Variants in ATXN10 observed in about 807,000 individuals in gnomAD.
The protein encoded by ATXN10 is ataxin-10.
A neutral mutation model predicts 52.9 loss-of-function variants in ATXN10; 28 were observed. The ratio of observed to expected loss-of-function variants is 0.53; its 90% CI spans 0.39 to 0.73. The LOEUF (loss-of-function observed/expected upper bound fraction) is 0.73, where lower values mean the gene tolerates loss of function less well. ATXN10 is among the 30% of genes least tolerant of loss of function. The pLI is 0.00. For missense variants in ATXN10, 565 were observed against 577.0 expected (o/e 0.98, Z 0.21); for synonymous variants, 226 against 221.5 (o/e 1.02, Z -0.18).
chr22:45,841,427 T>C lies in ATXN10; in HGVS notation c.1238-1564T>C, dbSNP rs1249105105. ...AGCACATGTTGGTTGGTCCTTTGCT[T>C]TGTGCCAGGCTCCATGTTGAGGCCC... is the stretch of plus-strand genomic sequence containing the variant. On this transcript the variant is annotated intron_variant, in intron 10 of 11. Coordinates refer to ENST00000252934, the MANE Select transcript of ATXN10 (RefSeq NM_013236.4). This position sits in a 1 kb window ranked among gnomAD's most constrained non-coding sequence, Gnocchi z 5.1. Among the ~76,000 whole-genome samples, 1 of 152,190 alleles carries C rather than the reference T, an allele frequency of 6.6e-6. No individual in the cohort carries two copies. The highest frequency in any genetic ancestry group is 6.5e-5 in the Admixed American group (1 of 15,280).
At chr22:45,702,919 G>A in intron 5 of ATXN10, 72 bp downstream of exon 5, 1 of 1,581,858 alleles carries the variant, frequency 6.3e-7, no homozygotes, top group Non-Finnish European at 8.7e-7. Context: ...GAGGTTTTAA[G>A]TAAAAATTTG....
At chr22:45,767,209 G>A (rs1018818281) in intron 9 of ATXN10, among the ~76,000 whole-genome samples, 15 of 152,162 alleles carry the variant, frequency 9.9e-5, no homozygotes, top group African/African-American at 3.4e-4. Flanking sequence ...TCCATCAGGA[G>A]GGGATTTCTG....
chr22:45,828,739 C>T lies in ATXN10; in HGVS notation c.1238-14252C>T, dbSNP rs1928896669. On this transcript the variant is annotated intron_variant, in intron 10 of 11. Coordinates refer to ENST00000252934, the MANE Select transcript of ATXN10 (RefSeq NM_013236.4). The surrounding 1 kb of genome is among the most constrained non-coding windows in gnomAD (Gnocchi z 4.5). ...GTACTATAGTAAGTACTATAAGTTACTAGTTATAGTAAGACAATTAAATCA... is the reference window on the plus strand; with the variant it reads ...GTACTATAGTAAGTACTATAAGTTATTAGTTATAGTAAGACAATTAAATCA... Among the ~76,000 whole-genome samples, 1 of 152,086 alleles carries T rather than the reference C, an allele frequency of 6.6e-6. No homozygotes were observed. The highest frequency in any genetic ancestry group is 6.5e-5 in the Admixed American group (1 of 15,270).
rs919601839 is a variant in ATXN10, at chr22:45,729,500, T to C, written c.804T>C (p.Phe268=). Residue 268 remains phenylalanine (F), a synonymous_variant, in exon 7 of 12, where the codon TTT becomes TTC. Transcript: ENST00000252934. Reference sequence around the variant, plus strand: ...TCACCAAGGATGACATCCCTGTGTTTTTGCGGCATGCTGAGTTGATTGCAA... The same window carrying C: ...TCACCAAGGATGACATCCCTGTGTTCTTGCGGCATGCTGAGTTGATTGCAA... The part of the protein sequence containing the change: ...EPLTKDDIPV[F]LRHAELIAST... 6.2e-7 allele frequency: 1 copy of C among 1,614,006 alleles called. No homozygotes were observed. The highest frequency in any genetic ancestry group is 8.5e-7 in the Non-Finnish European group (1 of 1,180,032).
intron 9 of ATXN10, among the ~76,000 whole-genome samples, chr22:45,798,785 G>A (rs1927834329): frequency 6.6e-6 from 1 of 152,190 alleles, no homozygotes; most frequent in Non-Finnish European, 1.5e-5. Flanking sequence ...GTTATGAGAA[G>A]TGAATTTTGA....
chr22:45,763,111 G>A lies in ATXN10; in HGVS notation c.1173+22573G>A, dbSNP rs1475048679. On this transcript the variant is annotated intron_variant, in intron 9 of 11. Transcript: ENST00000252934. The surrounding 1 kb of genome is among the most constrained non-coding windows in gnomAD (Gnocchi z 6.9). ...TGGCTACAGCATTTTCATCTGGAAGGAGGCCTAGGAAATGATGTTTCTGTG... is the reference window on the plus strand; with the variant it reads ...TGGCTACAGCATTTTCATCTGGAAGAAGGCCTAGGAAATGATGTTTCTGTG... Among the ~76,000 whole-genome samples the A allele has an allele frequency of 6.6e-6, 1 of 152,206 alleles. No individual in the cohort carries two copies. The highest frequency in any genetic ancestry group is 2.1e-4 in the South Asian group (1 of 4,832).
rs1304680945 is a variant in ATXN10 at position 45,781,911 on chromosome 22, T to C, written c.1174-25048T>C. ...GTGAACTGGAGGATGGAATAAAAAT[T>C]ATCCAGTCTGAACAACAGAAAGAAA... On this transcript the variant is annotated intron_variant, in intron 9 of 11. Transcript: ENST00000252934. The surrounding 1 kb of genome is among the most constrained non-coding windows in gnomAD (Gnocchi z 4.2). 6.6e-6 allele frequency among the ~76,000 whole-genome samples: 1 copy of C among 152,170 alleles called. No individual in the cohort carries two copies. The highest frequency in any genetic ancestry group is 1.5e-5 in the Non-Finnish European group (1 of 68,032).
In ATXN10 at chr22:45,823,206, TC is replaced by T. The variant is rs1185025445; in HGVS notation, c.1237+16188del. The T allele has an allele frequency of 2.1e-6, 1 of 471,686 alleles. No homozygotes were observed. 29.2% of individuals were successfully genotyped at this position (471,686 alleles called of 1,614,324 possible). A position where few individuals can be genotyped will look rare whatever the true frequency, so the allele number is the denominator to read the frequency against. On this transcript the variant is annotated intron_variant, in intron 10 of 11. Transcript: ENST00000252934. The surrounding 1 kb of genome is among the most constrained non-coding windows in gnomAD (Gnocchi z 4.9). ...AGTGTCCCGTCTCCCTCACTGCCAATCCCCAGATGTAACTTCTGTTCTGACT... is the reference window on the plus strand; with the variant it reads ...AGTGTCCCGTCTCCCTCACTGCCAATCCCAGATGTAACTTCTGTTCTGACT...
rs1258387864 is a variant in ATXN10, at chr22:45,824,119, C to T, written c.1237+17097C>T. Among the ~76,000 whole-genome samples the T allele has an allele frequency of 6.6e-6, 1 of 152,152 alleles. No individual in the cohort carries two copies. The highest frequency in any genetic ancestry group is 2.4e-5 in the African/African-American group (1 of 41,448). On this transcript the variant is annotated intron_variant, in intron 10 of 11. Transcript: ENST00000252934. This position sits in a 1 kb window ranked among gnomAD's most constrained non-coding sequence, Gnocchi z 5.2. Reference sequence around the variant, plus strand: ...CCTACCTTCCTTTGCCTTCCCCACGCTCTTACCTGCTGAGTGTAGTCAGCC... The same window carrying T: ...CCTACCTTCCTTTGCCTTCCCCACGTTCTTACCTGCTGAGTGTAGTCAGCC...
At chr22:45,765,342 G>T (rs1470034789) in intron 9 of ATXN10, among the ~76,000 whole-genome samples, 1 of 152,174 alleles carries the variant, frequency 6.6e-6, no homozygotes, top group Admixed American at 6.5e-5. Flanking sequence ...GTACTAGGGA[G>T]ACTTGGCAGG....
In ATXN10 at chr22:45,841,217, C is replaced by T. The variant is rs577955686; in HGVS notation, c.1238-1774C>T. On this transcript the variant is annotated intron_variant, in intron 10 of 11. Coordinates refer to ENST00000252934, the MANE Select transcript of ATXN10 (RefSeq NM_013236.4). This position sits in a 1 kb window ranked among gnomAD's most constrained non-coding sequence, Gnocchi z 5.1. ...CATATAAAGGACCTGGACTTTGTCA[C>T]GAGAGAATGACAGATAAATGACACA... Among the ~76,000 whole-genome samples the T allele has an allele frequency of 3.7e-4, 56 of 152,310 alleles. No individual in the cohort carries two copies. In the Middle Eastern group the frequency reaches 0.01, roughly 28 times the overall value.
At chr22:45,755,259 A>G (rs17573886) in intron 9 of ATXN10, among the ~76,000 whole-genome samples, 12,950 of 152,276 alleles carry the variant, frequency 0.085, 709 homozygotes, top group Middle Eastern at 0.16. Flanking sequence ...TCATCGTGAT[A>G]GGAATTCCAC....
At chr22:45,810,328 A>G (rs1032348929) in intron 10 of ATXN10, among the ~76,000 whole-genome samples, 11 of 152,324 alleles carry the variant, frequency 7.2e-5, no homozygotes, top group African/African-American at 2.6e-4. Context: ...ATATGTCTTG[A>G]TAAAGGATAA....
At chr22:45,702,930 G>C in intron 5 of ATXN10, 83 bp downstream of exon 5, 2 of 1,544,700 alleles carry the variant, frequency 1.3e-6, no homozygotes, top group Non-Finnish European at 1.8e-6. Flanking sequence ...TAAAAATTTG[G>C]ACATTGTGAT....
intron 6 of ATXN10, among the ~76,000 whole-genome samples, chr22:45,720,201 C>A (rs1204607218): frequency 6.6e-6 from 1 of 152,070 alleles, no homozygotes; most frequent in African/African-American, 2.4e-5. Flanking sequence ...TGTATTTATT[C>A]TCTTTTTTGT....
chr22:45,834,104 C>T (rs1929084581), intron 10 of ATXN10, among the ~76,000 whole-genome samples: 2 of 152,200 alleles, frequency 1.3e-5, no homozygotes, highest in African/African-American at 4.8e-5. Flanking sequence ...ATGCTGTTAC[C>T]TTTATTAGTT....
rs750416231 is a variant in ATXN10, at chr22:45,692,960, G to A, written c.309-36G>A. The A allele has an allele frequency of 2.6e-6, 4 of 1,556,740 alleles. No homozygotes were observed. In the East Asian group the frequency reaches 6.7e-5, roughly 26 times the overall value. On this transcript the variant is annotated intron_variant, in intron 2 of 11. Transcript: ENST00000252934. The stretch of plus-strand genomic sequence containing the variant: ...AGCCATAGACAATATATGAATGAAT[G>A]AACATGTCTAATTTTGTCTTTTTTA...
At chr22:45,829,317 G>A (rs987765107) in intron 10 of ATXN10, among the ~76,000 whole-genome samples, 3 of 152,070 alleles carry the variant, frequency 2.0e-5, no homozygotes, top group South Asian at 2.1e-4. Context: ...CTCTAAGATC[G>A]GGAACAAGGC....
chr22:45,799,004 G>T (rs1927842418), intron 9 of ATXN10, among the ~76,000 whole-genome samples: 1 of 152,064 alleles, frequency 6.6e-6, no homozygotes, highest in Non-Finnish European at 1.5e-5. Flanking sequence ...ATATTGTTAA[G>T]TGTTAGATCT....
Sources: allele counts gnomAD v4.1 joint callset (sites outside exome capture counted in the v4.1 genomes callset), GRCh38; gene constraint gnomAD v4.1.1; non-coding constraint Gnocchi (gnomAD v3.1); transcripts MANE v1.5; gene names NCBI Gene and HGNC (gene_info 2026-07-23, HGNC 2026-07-21).